The following ZNF540 variants were observed in gnomAD, a reference collection of about 807,000 sequenced individuals.
The protein encoded by ZNF540 is CTD-3064H18.6.
A neutral mutation model predicts 11.8 loss-of-function variants in ZNF540; 3 were observed. The observed-to-expected ratio is 0.25, with a 90% CI of 0.12 to 0.65. The LOEUF (loss-of-function observed/expected upper bound fraction) is 0.65. ZNF540 is among the 30% of genes least tolerant of loss of function. The pLI is 0.83. For missense variants in ZNF540, 709 were observed against 793.1 expected, an observed-to-expected ratio of 0.89 and a Z score of 1.27; for synonymous variants, 247 against 259.0, an observed-to-expected ratio of 0.95 and a Z score of 0.45.
chr19:37,567,281 T>C (rs1324964840), intron 1 of ZNF540, among the ~76,000 whole-genome samples: 2 of 152,240 alleles, frequency 1.3e-5, no homozygotes, highest in South Asian at 2.1e-4. Context: ...CTAACATCAT[T>C]ACTTACACAT....
At chr19:37,572,786 CATA>C (rs2043109522) in intron 1 of ZNF540, among the ~76,000 whole-genome samples, 1 of 152,204 alleles carries the variant, frequency 6.6e-6, no homozygotes, top group South Asian at 2.1e-4. Flanking sequence ...GTTCTTCTAT[CATA>C]ATTTTACTTA....
intron 4 of ZNF540, among the ~76,000 whole-genome samples, chr19:37,602,997 A>C (rs2147228389): frequency 7.0e-6 from 1 of 141,974 alleles, no homozygotes; most frequent in South Asian, 2.4e-4. Context: ...TATGGGATGT[A>C]AGGAGTCTTT....
intron 1 of ZNF540, among the ~76,000 whole-genome samples, chr19:37,557,989 G>A (rs1241806319): frequency 6.6e-6 from 1 of 152,140 alleles, no homozygotes; most frequent in African/African-American, 2.4e-5. Flanking sequence ...TAAGGTCTGA[G>A]TAAGCACCCC....
In ZNF540 at chr19:37,589,200, CAAAAAAAAAA is replaced by C. The variant is rs35689698; in HGVS notation, c.-72-9164_-72-9155del. On this transcript the variant is annotated intron_variant, in intron 1 of 4. Transcript: ENST00000592533. ...GGGCGACAAGAGCCAAACTCCGTCTCAAAAAAAAAAAAAAAAAAAAATCACAAAAATGCTA... is the reference window on the plus strand; with the variant it reads ...GGGCGACAAGAGCCAAACTCCGTCTCAAAAAAAAAAATCACAAAAATGCTA... 1.7e-4 allele frequency among the ~76,000 whole-genome samples: 19 copies of C among 108,904 alleles called. No individual in the cohort carries two copies. In the Admixed American group the frequency reaches 2.0e-3, roughly 11 times the overall value. The allele number at this position is 108,904 out of a possible 152,430, so 71.4% of individuals were successfully genotyped here.
chr19:37,593,157 T>C (rs1468161747), upstream of ZNF540, among the ~76,000 whole-genome samples: 1 of 152,148 alleles, frequency 6.6e-6, no homozygotes, highest in Non-Finnish European at 1.5e-5. Flanking sequence ...AACAGCATCA[T>C]GGTTATTTTA....
intron 4 of ZNF540, among the ~76,000 whole-genome samples, chr19:37,606,466 C>T (rs994105903): frequency 3.3e-5 from 5 of 152,142 alleles, no homozygotes; most frequent in Non-Finnish European, 5.9e-5. Context: ...GGTTATATGA[C>T]GAATATAACT....
chr19:37,565,317 T>C lies in ZNF540; in HGVS notation c.-73+13652T>C, dbSNP rs868351015. On this transcript the variant is annotated intron_variant, in intron 1 of 4. Transcript: ENST00000592533. ...GTAAGTTGTGAGCCACGAAAAAAGG[T>C]CTTCCCGCATTCTTTACATTCATAG... 2.5e-6 allele frequency: 4 copies of C among 1,611,500 alleles called. No homozygotes were observed. In the East Asian group the frequency reaches 8.9e-5, roughly 36 times the overall value.
chr19:37,607,794 C>T (rs780950790), intron 4 of ZNF540, among the ~76,000 whole-genome samples: 8 of 152,148 alleles, frequency 5.3e-5, no homozygotes, highest in Non-Finnish European at 1.0e-4. Context: ...TTTGTATGAA[C>T]ATAAGCTTTC....
intron 2 of ZNF540, 85 bp downstream of exon 2, chr19:37,598,541 C>T (rs891449008): frequency 2.0e-6 from 3 of 1,510,156 alleles, no homozygotes; most frequent in Non-Finnish European, 1.8e-6. Context: ...CTGACACTTC[C>T]TAAGAATTTT....
upstream of ZNF540, among the ~76,000 whole-genome samples, chr19:37,591,023 A>G (rs2043854064): frequency 6.6e-6 from 1 of 152,272 alleles, no homozygotes; most frequent in Non-Finnish European, 1.5e-5. Flanking sequence ...TATAAAATCA[A>G]ACAAGAAAAT....
chr19:37,584,878 G>A (rs2043610629), intron 1 of ZNF540, among the ~76,000 whole-genome samples: 1 of 151,786 alleles, frequency 6.6e-6, no homozygotes, highest in African/African-American at 2.4e-5. Flanking sequence ...GCAGGAGAAT[G>A]GCGTGAACCC....
At chr19:37,552,341 T>A (rs192269502) in intron 1 of ZNF540, among the ~76,000 whole-genome samples, 14 of 152,346 alleles carry the variant, frequency 9.2e-5, no homozygotes, top group African/African-American at 3.1e-4. Flanking sequence ...ACACTGCTGC[T>A]GCTCTTAGGT....
intron 1 of ZNF540, among the ~76,000 whole-genome samples, chr19:37,589,427 C>T (rs774952819): frequency 2.7e-5 from 4 of 150,676 alleles, no homozygotes; most frequent in African/African-American, 2.4e-5. Context: ...TTTTAAAAAT[C>T]GAGGGAAAAC....
intron 1 of ZNF540, chr19:37,564,609 G>GCCTT: frequency 6.6e-7 from 1 of 1,520,286 alleles, no homozygotes; most frequent in South Asian, 1.4e-5. Context: ...CAATTATGAA[G>GCCTT]CCTTGTATGT....
rs765301171 is a variant in ZNF540, at chr19:37,564,822, C to T, written c.-73+13157C>T. 3 of 1,613,962 alleles carry T rather than the reference C, an allele frequency of 1.9e-6. No individual in the cohort carries two copies. The East Asian group carries it at 6.7e-5, about 36-fold the overall frequency. ...TGTGAGCCACGAATAAAAGCCTTCC[C>T]ACACTGTTTACATTCATAAGGTTTT... On this transcript the variant is annotated intron_variant, in intron 1 of 4. Coordinates refer to the ZNF540 transcript ENST00000592533.
chr19:37,603,173 A>G (rs546539648), intron 4 of ZNF540, among the ~76,000 whole-genome samples: 1 of 152,108 alleles, frequency 6.6e-6, no homozygotes, highest in South Asian at 2.1e-4. Flanking sequence ...ACGCCTGGCT[A>G]ATTTTTGTAT....
At chr19:37,586,263 CA>C (rs1600528432) in intron 1 of ZNF540, 3 of 161,710 alleles carry the variant, frequency 1.9e-5, no homozygotes, top group South Asian at 4.0e-4. Flanking sequence ...GAACATCCAA[CA>C]AAAAAATGCT....
At chr19:37,596,443 T>C (rs1041698548) in intron 1 of ZNF540, among the ~76,000 whole-genome samples, 11 of 152,222 alleles carry the variant, frequency 7.2e-5, no homozygotes, top group African/African-American at 2.7e-4. Context: ...AAATATTTAT[T>C]ATGTGGTTCT....
At chr19:37,593,177 G>A (rs150787509), upstream of ZNF540, among the ~76,000 whole-genome samples, 104 of 151,324 alleles carry the variant, frequency 6.9e-4, no homozygotes, top group African/African-American at 2.4e-3. Context: ...AAAATATAAT[G>A]TCCTTTTTGG....
Sources: gnomAD v4.1 joint callset for allele counts (sites outside exome capture counted in the v4.1 genomes callset) on GRCh38, gnomAD v4.1.1 for gene constraint, MANE v1.5 for transcripts, NCBI Gene and HGNC (gene_info 2026-07-23, HGNC 2026-07-21) for gene names.